The following STK24 variants were observed in gnomAD, a reference collection of about 807,000 sequenced individuals.
STK24 encodes serine/threonine-protein kinase 24.
In STK24, 21 loss-of-function variants were observed where a neutral mutation model predicts 55.6. The ratio of observed to expected loss-of-function variants is 0.38; its 90% CI spans 0.27 to 0.54. The LOEUF (loss-of-function observed/expected upper bound fraction) is 0.54, where lower values mean the gene tolerates loss of function less well. Ranked by LOEUF, STK24 falls within the 20% of genes least tolerant of loss-of-function variation. The pLI is 0.79. For missense variants in STK24, 383 were observed against 538.4 expected, an observed-to-expected ratio of 0.71 and a Z score of 2.86; for synonymous variants, 200 against 215.2, an observed-to-expected ratio of 0.93 and a Z score of 0.62.
At chr13:98,507,352 G>A (rs1402651845) in intron 2 of STK24, among the ~76,000 whole-genome samples, 1 of 152,186 alleles carries the variant, frequency 6.6e-6, no homozygotes, top group African/African-American at 2.4e-5. Flanking sequence ...AGCTTTGAAA[G>A]CCTGAGCAAA....
chr13:98,576,683 C>A, intron 1 of STK24, 62 bp downstream of exon 1: 4 of 1,389,934 alleles, frequency 2.9e-6, no homozygotes, highest in Non-Finnish European at 3.8e-6. Context: ...CGTGTGGATA[C>A]CGCCAAGTTG....
Position 98,526,854 on chromosome 13 carries a change from G to A in STK24, c.43-7381C>T, listed in dbSNP as rs185061781. 1.2e-4 allele frequency among the ~76,000 whole-genome samples: 18 copies of A among 152,234 alleles called. No homozygotes were observed. The East Asian group carries it at 3.3e-3, about 28-fold the overall frequency. ...GCTTCATGGCCCATCCCAGTAGTGC[G>A]GGTGTAGAACACGTTATTCAGATAT... On this transcript the variant is annotated intron_variant, in intron 1 of 10. Coordinates refer to ENST00000539966, the MANE Select transcript of STK24 (RefSeq NM_001032296.4).
intron 1 of STK24, among the ~76,000 whole-genome samples, chr13:98,567,950 G>T (rs1212168281): frequency 1.3e-5 from 2 of 149,232 alleles, no homozygotes; most frequent in Non-Finnish European, 3.0e-5. Flanking sequence ...AAAAGGGGGG[G>T]GGTGGGGAGT....
chr13:98,462,411 C>T (rs558013851), intron 7 of STK24, among the ~76,000 whole-genome samples: 19 of 152,242 alleles, frequency 1.2e-4, no homozygotes, highest in African/African-American at 4.6e-4. Context: ...GCTCCCTCCC[C>T]CATCATGAGA....
chr13:98,475,420 A>C, intron 3 of STK24, 62 bp from the exon 4 acceptor site: 1 of 1,208,788 alleles, frequency 8.3e-7, no homozygotes, highest in Non-Finnish European at 1.2e-6. Flanking sequence ...AGTTTGAGAT[A>C]AAACAGAAAC....
At chr13:98,484,777 CAG>C (rs1214838201) in intron 2 of STK24, among the ~76,000 whole-genome samples, 6 of 146,680 alleles carry the variant, frequency 4.1e-5, no homozygotes, top group Non-Finnish European at 8.8e-5. Flanking sequence ...CAAGCAACAA[CAG>C]AACATCCAGA....
rs1594551718 is a variant in STK24 at position 98,446,359 on chromosome 13, G to A, written c.*6814C>T. ...TGGCGGGGGGCCCTGTCCACCCGAG[G>A]CCCTCAACTCTAGGGAAGACTGACA... On this transcript the variant is annotated 3_prime_UTR_variant, in exon 11 of 11. Transcript: ENST00000539966. 2 of 614,284 alleles carry A rather than the reference G, an allele frequency of 3.3e-6. No homozygotes were observed. The highest frequency in any genetic ancestry group is 5.5e-5 in the East Asian group (2 of 36,482). The allele number at this position is 614,284 out of a possible 1,614,324, so 38.1% of individuals were successfully genotyped here.
chr13:98,559,731 C>A (rs1897370115), intron 1 of STK24, among the ~76,000 whole-genome samples: 1 of 151,976 alleles, frequency 6.6e-6, no homozygotes, highest in Admixed American at 6.6e-5. Context: ...AGTTAAATCA[C>A]TAAAGACAAC....
intron 1 of STK24, among the ~76,000 whole-genome samples, chr13:98,525,578 G>A (rs1301810001): frequency 6.6e-6 from 1 of 152,174 alleles, no homozygotes; most frequent in East Asian, 1.9e-4. Flanking sequence ...TCAATTAGAT[G>A]CCTTGTCCCT....
rs905852654 is a variant in STK24, at chr13:98,448,722, G to A, written c.*4451C>T. On this transcript the variant is annotated 3_prime_UTR_variant, in exon 11 of 11. Coordinates refer to ENST00000539966, the MANE Select transcript of STK24 (RefSeq NM_001032296.4). ...TCACCTATTGGCTGCTGCATTTTAC[G>A]AAGTGGACTTCCCGGTGTTTGTTTG... 2.7e-5 allele frequency: 4 copies of A among 149,166 alleles called. No homozygotes were observed. The highest frequency in any genetic ancestry group is 2.0e-4 in the South Asian group (1 of 5,030). 9.2% of individuals were successfully genotyped at this position (149,166 alleles called of 1,614,324 possible). A position where few individuals can be genotyped will look rare whatever the true frequency, so the allele number is the denominator to read the frequency against.
intron 2 of STK24, among the ~76,000 whole-genome samples, chr13:98,501,962 C>T (rs1462138579): frequency 6.6e-6 from 1 of 152,140 alleles, no homozygotes; most frequent in Non-Finnish European, 1.5e-5. Flanking sequence ...CTTGCAGAGT[C>T]CCCTATGCCA....
At chr13:98,463,142 C>T (rs952642701) in intron 7 of STK24, among the ~76,000 whole-genome samples, 1 of 152,158 alleles carries the variant, frequency 6.6e-6, no homozygotes, top group South Asian at 2.1e-4. Context: ...ACGAGTCCCA[C>T]GCTCGGACTT....
chr13:98,481,191 C>T (rs1566359475), intron 3 of STK24, among the ~76,000 whole-genome samples: 1 of 152,330 alleles, frequency 6.6e-6, no homozygotes, highest in African/African-American at 2.4e-5. Context: ...TGCACGAATT[C>T]GTTTGCATTT....
chr13:98,504,315 C>G (rs972946844), intron 2 of STK24, among the ~76,000 whole-genome samples: 5 of 152,204 alleles, frequency 3.3e-5, no homozygotes, highest in African/African-American at 1.2e-4. Context: ...CAACAACAGT[C>G]AAGCCTGTGC....
intron 9 of STK24, among the ~76,000 whole-genome samples, chr13:98,459,665 C>T (rs776996150): frequency 2.6e-5 from 4 of 152,264 alleles, no homozygotes; most frequent in Non-Finnish European, 5.9e-5. Flanking sequence ...CAGTGGAAAA[C>T]TGCCCAAAGA....
chr13:98,479,909 ACACTG>A lies in STK24; in HGVS notation c.330+2351_330+2355del, dbSNP rs199864145. On this transcript the variant is annotated intron_variant, in intron 3 of 10. Transcript: ENST00000539966. ...CAACAACATCAGAGGTTGGTAGAGG[ACACTG>A]CGGGGTCAAGGGAGGCCACAGGCTC... Among the ~76,000 whole-genome samples, 1,041 of 152,312 alleles carry A rather than the reference ACACTG, an allele frequency of 6.8e-3. 8 individuals are homozygous for A. Among genetic ancestry groups the A allele is most frequent in the African/African-American group, 0.023 (940 of 41,560 alleles).
At chr13:98,563,340 A>G (rs1336172367) in intron 1 of STK24, among the ~76,000 whole-genome samples, 1 of 152,196 alleles carries the variant, frequency 6.6e-6, no homozygotes, top group African/African-American at 2.4e-5. Context: ...GACCGAGGCC[A>G]GGAAATGCAA....
intron 1 of STK24, among the ~76,000 whole-genome samples, chr13:98,537,075 G>T (rs544294054): frequency 2.0e-5 from 3 of 152,336 alleles, no homozygotes; most frequent in Non-Finnish European, 4.4e-5. Flanking sequence ...CTCACCCAGG[G>T]AGAGAGCCAG....
intron 1 of STK24, chr13:98,553,854 G>A (rs563335085): frequency 6.6e-6 from 1 of 152,106 alleles, no homozygotes; most frequent in Admixed American, 6.6e-5. Flanking sequence ...CTGAGGTCAG[G>A]AATTCGAGAC....
Sources: allele counts gnomAD v4.1 joint callset (sites outside exome capture counted in the v4.1 genomes callset), GRCh38; gene constraint gnomAD v4.1.1; transcripts MANE v1.5; gene names NCBI Gene and HGNC (gene_info 2026-07-23, HGNC 2026-07-21).